Variants in CTNNBL1 observed in about 807,000 individuals in gnomAD.
The protein encoded by CTNNBL1 is beta-catenin-like protein 1.
A neutral mutation model predicts 72.7 loss-of-function variants in CTNNBL1; 31 were observed. The ratio of observed to expected loss-of-function variants is 0.43; its 90% confidence interval spans 0.32 to 0.58. The LOEUF (loss-of-function observed/expected upper bound fraction) is 0.58. CTNNBL1 is among the 20% of genes least tolerant of loss of function. The pLI is 0.08. For missense variants in CTNNBL1, 534 were observed against 725.1 expected, an observed-to-expected ratio of 0.74 and a Z score of 3.03; for synonymous variants, 240 against 267.3, an observed-to-expected ratio of 0.90 and a Z score of 1.00.
intron 15 of CTNNBL1, among the ~76,000 whole-genome samples, chr20:37,866,932 G>C (rs1600539858): frequency 6.6e-6 from 1 of 152,116 alleles, no homozygotes; most frequent in South Asian, 2.1e-4. Context: ...ACTTCCCCGG[G>C]GCCTTGTGGG....
chr20:37,774,038 A>G (rs1424659639), intron 7 of CTNNBL1, among the ~76,000 whole-genome samples: 1 of 149,076 alleles, frequency 6.7e-6, no homozygotes, highest in Non-Finnish European at 1.5e-5. Context: ...TCAGCCTCCC[A>G]AGTAGCTGGG....
rs561924497 is a variant in CTNNBL1, at chr20:37,846,454, T to G, written c.1392+4035T>G. Among the ~76,000 whole-genome samples, 106 of 152,230 alleles carry G rather than the reference T, an allele frequency of 7.0e-4. 1 individual carries two copies. The highest frequency in any genetic ancestry group is 2.5e-3 in the African/African-American group (103 of 41,516). On this transcript the variant is annotated intron_variant, in intron 13 of 15. Coordinates refer to ENST00000361383, the MANE Select transcript of CTNNBL1 (RefSeq NM_030877.5). The stretch of plus-strand genomic sequence containing the variant: ...TTCTTTCTGGATGGTGTTTGTTTTG[T>G]GTTTAAGGTGTATGTCCCAGTTTGT...
chr20:37,827,714 C>G (rs1384067586), intron 11 of CTNNBL1, among the ~76,000 whole-genome samples: 3 of 152,162 alleles, frequency 2.0e-5, no homozygotes, highest in African/African-American at 4.8e-5. Context: ...TCTGTAGTAT[C>G]TGGATCTGAG....
chr20:37,760,145 T>A (rs191692209), intron 5 of CTNNBL1, among the ~76,000 whole-genome samples: 3 of 152,340 alleles, frequency 2.0e-5, no homozygotes, highest in Admixed American at 2.0e-4. Flanking sequence ...TTGTAACAAG[T>A]TGATCTGGTA....
chr20:37,841,262 C>G (rs1020066045), intron 12 of CTNNBL1, among the ~76,000 whole-genome samples: 1 of 152,114 alleles, frequency 6.6e-6, no homozygotes, highest in African/African-American at 2.4e-5. Context: ...CTACCCTCAC[C>G]AGGAGTATAG....
intron 11 of CTNNBL1, among the ~76,000 whole-genome samples, chr20:37,833,797 C>T (rs550704634): frequency 1.3e-5 from 2 of 152,282 alleles, no homozygotes; most frequent in South Asian, 4.1e-4. Context: ...CAGCAGCTCT[C>T]CCCGTCTCCT....
intron 13 of CTNNBL1, among the ~76,000 whole-genome samples, chr20:37,855,608 C>T (rs2072432857): frequency 1.3e-5 from 2 of 152,194 alleles, no homozygotes; most frequent in Non-Finnish European, 2.9e-5. Flanking sequence ...CCTTCCCCTT[C>T]TCACGTAGGC....
rs573881416 is a variant in CTNNBL1 at position 37,815,569 on chromosome 20, C to T, written c.1213+12521C>T. 3.9e-5 allele frequency among the ~76,000 whole-genome samples: 6 copies of T among 152,234 alleles called. No individual in the cohort carries two copies. The East Asian group carries it at 5.8e-4, about 15-fold the overall frequency. ...CTGACTTCAGGTGATCTGCCCCCCT[C>T]GGCCTCCCAAAGTGCTGGGATTACA... On this transcript the variant is annotated intron_variant, in intron 11 of 15. Transcript: ENST00000361383.
chr20:37,758,926 C>G (rs899494566), intron 5 of CTNNBL1, among the ~76,000 whole-genome samples: 4 of 152,252 alleles, frequency 2.6e-5, no homozygotes, highest in East Asian at 3.9e-4. Context: ...CTGCCCACCC[C>G]CTCCTCACCC....
chr20:37,717,020 T>C (rs1374747846), intron 1 of CTNNBL1, among the ~76,000 whole-genome samples: 1 of 152,196 alleles, frequency 6.6e-6, no homozygotes, highest in African/African-American at 2.4e-5. Flanking sequence ...AATAAAATGG[T>C]TAGTTTCTCA....
chr20:37,796,542 G>A (rs2073776244), intron 10 of CTNNBL1, among the ~76,000 whole-genome samples: 1 of 151,540 alleles, frequency 6.6e-6, no homozygotes, highest in Non-Finnish European at 1.5e-5. Context: ...AGCAGTATAT[G>A]ACACTTTTTA....
At chr20:37,744,030 A>G (rs2073241409) in intron 3 of CTNNBL1, among the ~76,000 whole-genome samples, 1 of 152,180 alleles carries the variant, frequency 6.6e-6, no homozygotes, top group Admixed American at 6.5e-5. Flanking sequence ...TAAAGGGCAA[A>G]CACTTTTCTC....
intron 12 of CTNNBL1, among the ~76,000 whole-genome samples, chr20:37,841,790 T>C (rs1463389050): frequency 6.6e-6 from 1 of 152,232 alleles, no homozygotes; most frequent in African/African-American, 2.4e-5. Context: ...TTTTAAGTTA[T>C]TGCCAAGCAA....
intron 11 of CTNNBL1, among the ~76,000 whole-genome samples, chr20:37,825,105 CA>C (rs2072146560): frequency 6.6e-6 from 1 of 151,878 alleles, no homozygotes; most frequent in African/African-American, 2.4e-5. Flanking sequence ...ATAATCCCAG[CA>C]CTTTTAGAGA....
At chr20:37,774,561 G>GT (rs1295588604) in intron 7 of CTNNBL1, among the ~76,000 whole-genome samples, 2 of 152,182 alleles carry the variant, frequency 1.3e-5, no homozygotes, top group African/African-American at 4.8e-5. Context: ...TATCAGTCTG[G>GT]TTTTTAAAAA....
At chr20:37,838,587 C>T (rs964365737) in intron 11 of CTNNBL1, among the ~76,000 whole-genome samples, 12 of 152,092 alleles carry the variant, frequency 7.9e-5, no homozygotes, top group East Asian at 1.9e-4. Context: ...TGTGTTTGGA[C>T]GTTAAGTTTA....
chr20:37,844,883 G>A lies in CTNNBL1; in HGVS notation c.1392+2464G>A, dbSNP rs2235468. On this transcript the variant is annotated intron_variant, in intron 13 of 15. Coordinates refer to ENST00000361383, the MANE Select transcript of CTNNBL1 (RefSeq NM_030877.5). ...GAGTCACTTGAGCCTGAGAGGTAAGGGTTGCAACAAGCCGAGATTGTGCCA... is the reference window on the plus strand; with the variant it reads ...GAGTCACTTGAGCCTGAGAGGTAAGAGTTGCAACAAGCCGAGATTGTGCCA... Among the ~76,000 whole-genome samples the A allele has an allele frequency of 0.013, 1,989 of 152,286 alleles. 190 individuals carry two copies. In the East Asian group the frequency reaches 0.25, roughly 19 times the overall value.
At chr20:37,858,682 A>AT (rs2072464014) in intron 13 of CTNNBL1, among the ~76,000 whole-genome samples, 2 of 152,186 alleles carry the variant, frequency 1.3e-5, no homozygotes, top group Non-Finnish European at 2.9e-5. Flanking sequence ...CAGTGGATGA[A>AT]TTGTATAGTA....
At chr20:37,771,724 T>C (rs991580733) in intron 7 of CTNNBL1, among the ~76,000 whole-genome samples, 10 of 152,342 alleles carry the variant, frequency 6.6e-5, no homozygotes, top group African/African-American at 2.4e-4. Flanking sequence ...GTGAAACAGC[T>C]TAAATCCCTA....
Sources: gnomAD v4.1 joint callset for allele counts (sites outside exome capture counted in the v4.1 genomes callset) on GRCh38, gnomAD v4.1.1 for gene constraint, MANE v1.5 for transcripts, NCBI Gene and HGNC (gene_info 2026-07-23, HGNC 2026-07-21) for gene names.